Variants in SOCS2 observed in about 807,000 individuals in gnomAD.
The protein encoded by SOCS2 is suppressor of cytokine signaling 2, also known as CIS-2.
SOCS2 carries 10 observed loss-of-function variants against 18.6 expected under a neutral mutation model. The observed-to-expected ratio is 0.54, with a 90% CI of 0.33 to 0.91. SOCS2 has a LOEUF of 0.91. Among genes scored for constraint, SOCS2 ranks in the 40% least tolerant of loss-of-function variants. The pLI is 0.02. For missense variants in SOCS2, 231 were observed against 247.2 expected (o/e 0.93, Z 0.44); for synonymous variants, 104 against 104.0 (o/e 1.00, Z 0.00).
At chr12:93,589,385 G>A in the SOCS2 span, among the ~76,000 whole-genome samples, 1 of 151,942 alleles carries the variant, frequency 6.6e-6, no homozygotes, top group Admixed American at 6.5e-5. Context: ...TCTATCATTT[G>A]TCTTCTCATA....
the SOCS2 span, among the ~76,000 whole-genome samples, chr12:93,624,241 G>T: frequency 6.6e-6 from 1 of 152,144 alleles, no homozygotes; most frequent in Non-Finnish European, 1.5e-5. Flanking sequence ...ACCTGCCAGC[G>T]CTTTGACTTT....
the SOCS2 span, among the ~76,000 whole-genome samples, chr12:93,616,803 C>A: frequency 1.5e-4 from 23 of 152,138 alleles, no homozygotes; most frequent in Non-Finnish European, 2.6e-4. Context: ...CCCTGGCAGT[C>A]TAATGAATAA....
the SOCS2 span, among the ~76,000 whole-genome samples, chr12:93,590,316 C>T: frequency 1.3e-5 from 2 of 152,020 alleles, no homozygotes; most frequent in Admixed American, 1.3e-4. Context: ...TAGCTACCGA[C>T]GCAAGACTAG....
At chr12:93,611,121 G>C in the SOCS2 span, among the ~76,000 whole-genome samples, 1 of 152,036 alleles carries the variant, frequency 6.6e-6, no homozygotes, top group Non-Finnish European at 1.5e-5. Flanking sequence ...ATGAACTTCT[G>C]GCCAGTTATT....
chr12:93,585,271 A>G (rs1358930778), downstream of SOCS2, among the ~76,000 whole-genome samples: 1 of 152,188 alleles, frequency 6.6e-6, no homozygotes, highest in East Asian at 1.9e-4. Context: ...CACATCTGTC[A>G]TAATCACCAG....
the SOCS2 span, among the ~76,000 whole-genome samples, chr12:93,619,951 G>A: frequency 2.6e-5 from 4 of 152,066 alleles, no homozygotes; most frequent in Admixed American, 2.0e-4. Context: ...ATATCTTCAC[G>A]TTTCAATTGC....
the SOCS2 span, among the ~76,000 whole-genome samples, chr12:93,594,192 C>T: frequency 6.6e-6 from 1 of 152,122 alleles, no homozygotes; most frequent in African/African-American, 2.4e-5. Context: ...TCACACACAT[C>T]CATTTTTATA....
the SOCS2 span, among the ~76,000 whole-genome samples, chr12:93,598,380 G>A: frequency 6.6e-6 from 1 of 152,066 alleles, no homozygotes; most frequent in South Asian, 2.1e-4. Context: ...CAAAGAGATG[G>A]CACCGAGGAG....
chr12:93,622,556 T>C, the SOCS2 span, among the ~76,000 whole-genome samples: 1 of 152,148 alleles, frequency 6.6e-6, no homozygotes, highest in Non-Finnish European at 1.5e-5. Context: ...CTCTTTTCCT[T>C]ATAAAGGAAA....
chr12:93,590,381 C>A, the SOCS2 span, among the ~76,000 whole-genome samples: 85 of 152,268 alleles, frequency 5.6e-4, no homozygotes, highest in Middle Eastern at 3.4e-3. Context: ...AATAACATTT[C>A]TCAATCTGGT....
the SOCS2 span, among the ~76,000 whole-genome samples, chr12:93,614,480 T>TTCCTTCCTTTCTTTCTTTCCTTCC: frequency 1.1e-4 from 3 of 26,134 alleles, no homozygotes; most frequent in African/African-American, 6.6e-4. Context: ...CCTTCCTTCC[T>TTCCTTCCTTTCTTTCTTTCCTTCC]TTCCTTCCTT....
At chr12:93,584,758 T>C (rs1442346630), downstream of SOCS2, among the ~76,000 whole-genome samples, 5 of 152,010 alleles carry the variant, frequency 3.3e-5, no homozygotes, top group Non-Finnish European at 5.9e-5. Flanking sequence ...ATTTACACCT[T>C]TTCTTCCCTT....
chr12:93,600,738 A>G, the SOCS2 span, among the ~76,000 whole-genome samples: 2 of 150,526 alleles, frequency 1.3e-5, no homozygotes, highest in Non-Finnish European at 3.0e-5. Context: ...ACTATTGTTA[A>G]TGGAATCTTT....
chr12:93,582,779 T>A (rs763440546), intron 1 of SOCS2, among the ~76,000 whole-genome samples: 1 of 152,092 alleles, frequency 6.6e-6, no homozygotes, highest in Non-Finnish European at 1.5e-5. Context: ...TATCTGTAAA[T>A]TGAAGAGCCT....
chr12:93,579,642 T>C (rs1248747663), downstream of SOCS2, among the ~76,000 whole-genome samples: 1 of 152,230 alleles, frequency 6.6e-6, no homozygotes, highest in East Asian at 1.9e-4. Flanking sequence ...ATTCTCATCT[T>C]CACATATTTT....
the SOCS2 span, among the ~76,000 whole-genome samples, chr12:93,624,848 AAC>A: frequency 3.9e-5 from 6 of 152,218 alleles, no homozygotes; most frequent in Non-Finnish European, 7.4e-5. Context: ...CTAAAGATAG[AAC>A]CCTAAAACAA....
the SOCS2 span, among the ~76,000 whole-genome samples, chr12:93,603,600 A>G: frequency 2.6e-5 from 4 of 152,128 alleles, no homozygotes; most frequent in African/African-American, 7.3e-5. Context: ...TAAATAAACA[A>G]GAGATTATTA....
At chr12:93,571,904 C>CCGAGGT (rs1392995747), upstream of SOCS2, 2 of 433,410 alleles carry the variant, frequency 4.6e-6, no homozygotes, top group Middle Eastern at 7.2e-4. Flanking sequence ...GCGGCCGCGG[C>CCGAGGT]CGAGGTCGAG....
chr12:93,581,532 C>G (rs1402320791), downstream of SOCS2, among the ~76,000 whole-genome samples: 1 of 152,058 alleles, frequency 6.6e-6, no homozygotes, highest in Non-Finnish European at 1.5e-5. Context: ...TCTGTAGCTA[C>G]CTTTTCAATT....
Sources: gnomAD v4.1 joint callset for allele counts (sites outside exome capture counted in the v4.1 genomes callset) on GRCh38, gnomAD v4.1.1 for gene constraint, MANE v1.5 for transcripts, NCBI Gene and HGNC (gene_info 2026-07-23, HGNC 2026-07-21) for gene names.